The following ATL3 variants were observed in gnomAD, a reference collection of about 807,000 sequenced individuals.
The protein encoded by ATL3 is atlastin GTPase 3, also known as atlastin-3.
ATL3 carries 49 observed loss-of-function variants against 69.5 expected under a neutral mutation model. The observed-to-expected ratio is 0.71, with a 90% CI of 0.56 to 0.89. The LOEUF (loss-of-function observed/expected upper bound fraction) is 0.89, where lower values mean the gene tolerates loss of function less well. Among genes scored for constraint, ATL3 ranks in the 40% least tolerant of loss-of-function variants. The pLI is 0.00. For missense variants in ATL3, 606 were observed against 645.7 expected, an observed-to-expected ratio of 0.94 and a Z score of 0.67; for synonymous variants, 214 against 224.1, an observed-to-expected ratio of 0.95 and a Z score of 0.40.
chr11:63,635,954 T>C (rs914417505), intron 9 of ATL3, among the ~76,000 whole-genome samples: 2 of 148,978 alleles, frequency 1.3e-5, no homozygotes, highest in African/African-American at 5.0e-5. Context: ...ACCATCTTCC[T>C]TGAGGAACAA....
chr11:63,637,129 T>C (rs1230745625), intron 8 of ATL3, among the ~76,000 whole-genome samples: 1 of 151,886 alleles, frequency 6.6e-6, no homozygotes, highest in Non-Finnish European at 1.5e-5. Context: ...ATACAAAAAT[T>C]AGCCGGGGGT....
chr11:63,669,629 T>C (rs1411113919), intron 1 of ATL3, among the ~76,000 whole-genome samples: 1 of 151,896 alleles, frequency 6.6e-6, no homozygotes, highest in Non-Finnish European at 1.5e-5. Flanking sequence ...TCTACTACAA[T>C]GAGGTAGTAA....
rs142978494 is a variant in ATL3 at position 63,637,338 on chromosome 11, G to A, written c.851-1004C>T. Among the ~76,000 whole-genome samples, 326 of 151,458 alleles carry A rather than the reference G, an allele frequency of 2.2e-3. 1 individual carries two copies. Among genetic ancestry groups the A allele is most frequent in the African/African-American group, 7.7e-3 (318 of 41,370 alleles). ...AACAAGTCAATTTTCAACCTCTCAA[G>A]TTGTCTCAGGCCTTTGCCATGCCCT... On this transcript the variant is annotated intron_variant, in intron 8 of 12. Coordinates refer to ENST00000398868, the MANE Select transcript of ATL3 (RefSeq NM_015459.5).
upstream of ATL3, chr11:63,671,407 G>T (rs544508530): frequency 4.6e-6 from 7 of 1,522,334 alleles, no homozygotes; most frequent in Non-Finnish European, 5.3e-6. Context: ...GGAACGAACC[G>T]GGCCCTGGAA....
At chr11:63,642,694 C>CA in intron 8 of ATL3, among the ~76,000 whole-genome samples, 1 of 152,254 alleles carries the variant, frequency 6.6e-6, no homozygotes, top group East Asian at 1.9e-4. Flanking sequence ...GAAATGACAT[C>CA]AAAGTCATTG....
intron 8 of ATL3, among the ~76,000 whole-genome samples, chr11:63,637,228 A>C (rs1223816685): frequency 6.6e-6 from 1 of 151,528 alleles, no homozygotes; most frequent in African/African-American, 2.4e-5. Flanking sequence ...GTGAGCCGAG[A>C]TCGCACCACT....
At chr11:63,659,801 T>C (rs1940366576) in intron 1 of ATL3, among the ~76,000 whole-genome samples, 1 of 151,164 alleles carries the variant, frequency 6.6e-6, no homozygotes, top group Non-Finnish European at 1.5e-5. Flanking sequence ...CTGGGTGTGG[T>C]GGCACGCACC....
intron 8 of ATL3, among the ~76,000 whole-genome samples, chr11:63,641,015 A>G (rs1426375166): frequency 6.6e-6 from 1 of 152,222 alleles, no homozygotes; most frequent in African/African-American, 2.4e-5. Flanking sequence ...CCACGTTACA[A>G]TTCATAAAGA....
At chr11:63,671,780 A>G, upstream of ATL3, 1 of 1,163,162 alleles carries the variant, frequency 8.6e-7, no homozygotes, top group Non-Finnish European at 1.1e-6. Flanking sequence ...AACTCCCAGC[A>G]GGCTGTGCGG....
In ATL3 at chr11:63,644,189, A is replaced by T. The variant is rs1476869170; in HGVS notation, c.691T>A (p.Phe231Ile). ...CTTACCTGTAAACGCTTATCCAAAA[A>T]TGCCATTCCTCCTTGGAGTCCATAG... The part of the protein sequence containing the change: ...YSYGLQGGMA[F>I]LDKRLQVKEH... Residue 231 changes from phenylalanine (F) to isoleucine (I), a missense_variant, in exon 7 of 13, where the codon TTT becomes ATT. Coordinates refer to ENST00000398868, the MANE Select transcript of ATL3 (RefSeq NM_015459.5). The T allele has an allele frequency of 1.9e-6, 3 of 1,609,448 alleles. No individual in the cohort carries two copies. The East Asian group carries it at 6.7e-5, about 36-fold the overall frequency.
chr11:63,644,260 G>A lies in ATL3; in HGVS notation c.620C>T (p.Thr207Ile), dbSNP rs1565274845. ...MDEIFQKPFQ[T>I]LMFLVRDWSF... ...CCAATCTCTAACCAAAAACATCAGTGTCTATTTAAGAAAAGAGCGGAACAT... is the reference window on the plus strand; with the variant it reads ...CCAATCTCTAACCAAAAACATCAGTATCTATTTAAGAAAAGAGCGGAACAT... The change falls in exon 7 of 13, where the codon ACA (threonine) becomes ATA (isoleucine). Residue 207 changes from threonine (T) to isoleucine (I), a missense_variant and splice_region_variant. By Grantham distance (89) the Thr-to-Ile change is moderately conservative. Transcript: ENST00000398868. 4 of 1,581,082 alleles carry A rather than the reference G, an allele frequency of 2.5e-6. No homozygotes were observed. The highest frequency in any genetic ancestry group is 2.6e-6 in the Non-Finnish European group (3 of 1,153,664).
intron 1 of ATL3, among the ~76,000 whole-genome samples, chr11:63,669,337 T>C (rs1167365339): frequency 2.0e-5 from 3 of 149,618 alleles, no homozygotes; most frequent in Middle Eastern, 3.8e-3. Context: ...GAGTTCAAGA[T>C]CAGCCTGGCA....
intron 12 of ATL3, among the ~76,000 whole-genome samples, chr11:63,630,612 A>C (rs1939280422): frequency 6.6e-6 from 1 of 151,970 alleles, no homozygotes. Context: ...CCTGGTCAAC[A>C]TGGTGAAACC....
chr11:63,651,801 G>C, intron 5 of ATL3, 135 bp downstream of exon 5: 2 of 1,305,894 alleles, frequency 1.5e-6, no homozygotes, highest in East Asian at 5.6e-5. Flanking sequence ...GCTATACATA[G>C]TATAGAATTA....
At position 63,631,495 on chromosome 11, in the gene ATL3, T is replaced by C. The variant is rs766853019; in HGVS notation, c.1108-24A>G. Reference sequence around the variant, plus strand: ...ACCTAAAAAGAACAAAGAAACAATATGTTAAAAGATCTCTTCAAAAACAAG... The same window carrying C: ...ACCTAAAAAGAACAAAGAAACAATACGTTAAAAGATCTCTTCAAAAACAAG... On this transcript the variant is annotated intron_variant, in intron 11 of 12. Transcript: ENST00000398868. The C allele has an allele frequency of 9.7e-6, 15 of 1,552,854 alleles. 1 individual carries two copies. Among genetic ancestry groups the C allele is most frequent in the Non-Finnish European group, 1.1e-5 (13 of 1,151,566 alleles).
At chr11:63,668,251 C>G (rs1444377255) in intron 1 of ATL3, among the ~76,000 whole-genome samples, 1 of 152,156 alleles carries the variant, frequency 6.6e-6, no homozygotes, top group Non-Finnish European at 1.5e-5. Flanking sequence ...TGCTGGCAGT[C>G]TTTAAGGTTT....
At chr11:63,650,726 T>C (rs1940048783) in intron 5 of ATL3, 1 of 152,154 alleles carries the variant, frequency 6.6e-6, no homozygotes, top group Admixed American at 6.6e-5. Flanking sequence ...TCTATAGCAC[T>C]TGGCCCTCTA....
In ATL3 at chr11:63,632,373, CT is replaced by C. The variant is rs1939349317; in HGVS notation, c.1107+652del. On this transcript the variant is annotated intron_variant, in intron 11 of 12. Coordinates refer to ENST00000398868, the MANE Select transcript of ATL3 (RefSeq NM_015459.5). Reference sequence around the variant, plus strand: ...CTACAATTCAAAATTCAGATACTGTCTTTGCACAAAATCTTAGTCGACATTT... The same window carrying C: ...CTACAATTCAAAATTCAGATACTGTCTTGCACAAAATCTTAGTCGACATTT... 3 of 896,916 alleles carry C rather than the reference CT, an allele frequency of 3.3e-6. No individual in the cohort carries two copies. The Admixed American group carries it at 5.1e-5, about 15-fold the overall frequency. 55.6% of individuals were successfully genotyped at this position (896,916 alleles called of 1,614,324 possible).
intron 1 of ATL3, among the ~76,000 whole-genome samples, chr11:63,666,540 T>C (rs1940577196): frequency 6.6e-6 from 1 of 151,982 alleles, no homozygotes; most frequent in African/African-American, 2.4e-5. Context: ...TAGTTTTCAG[T>C]TTCATCACTA....
Sources: allele counts gnomAD v4.1 joint callset (sites outside exome capture counted in the v4.1 genomes callset), GRCh38; gene constraint gnomAD v4.1.1; transcripts MANE v1.5; gene names NCBI Gene and HGNC (gene_info 2026-07-23, HGNC 2026-07-21).